SLC9A9: variants seen among roughly 807,000 people sequenced by gnomAD.
The protein encoded by SLC9A9 is solute carrier family 9 member A9.
A neutral mutation model predicts 77.8 loss-of-function variants in SLC9A9; 62 were observed. The ratio of observed to expected loss-of-function variants is 0.80; its 90% CI spans 0.65 to 0.98. The LOEUF (loss-of-function observed/expected upper bound fraction) is 0.98, where lower values mean the gene tolerates loss of function less well. SLC9A9 is among the 50% of genes least tolerant of loss of function. The pLI is 0.00. For missense variants in SLC9A9, 775 were observed against 774.9 expected (o/e 1.00, Z 0.00); for synonymous variants, 320 against 283.5 (o/e 1.13, Z -1.29).
At chr3:143,330,195 T>C (rs1331432176) in intron 14 of SLC9A9, among the ~76,000 whole-genome samples, 3 of 152,162 alleles carry the variant, frequency 2.0e-5, no homozygotes, top group South Asian at 4.1e-4. Context: ...ACATGGACTT[T>C]AGGGCAGGAG....
At chr3:143,371,620 A>C (rs1347525473) in intron 13 of SLC9A9, among the ~76,000 whole-genome samples, 1 of 152,210 alleles carries the variant, frequency 6.6e-6, no homozygotes, top group Non-Finnish European at 1.5e-5. Context: ...ATACTCTAAA[A>C]AATATGGTAG....
chr3:143,782,648 A>G (rs1456926965), intron 4 of SLC9A9, among the ~76,000 whole-genome samples: 2 of 152,222 alleles, frequency 1.3e-5, no homozygotes, highest in Non-Finnish European at 2.9e-5. Context: ...AAAAAAATGC[A>G]CCTAAAGAGC....
At position 143,266,458 on chromosome 3, in the gene SLC9A9, C is replaced by T; in HGVS notation, c.*244G>A. ...GACTCCTGATACCTCCATCCCCACC[C>T]CAGCCAATCCAGTAATCAGAATGGC... On this transcript the variant is annotated 3_prime_UTR_variant, in exon 16 of 16. Coordinates refer to ENST00000316549, the MANE Select transcript of SLC9A9 (RefSeq NM_173653.4). 3 of 568,626 alleles carry T rather than the reference C, an allele frequency of 5.3e-6. No homozygotes were observed. The highest frequency in any genetic ancestry group is 9.4e-6 in the Non-Finnish European group (3 of 317,520). 35.2% of individuals were successfully genotyped at this position (568,626 alleles called of 1,614,324 possible).
At chr3:143,543,777 T>TTTTTTTTTTTTTTTTTTTTTTTTTTTTTG (rs1203062088) in intron 9 of SLC9A9, among the ~76,000 whole-genome samples, 34 of 152,082 alleles carry the variant, frequency 2.2e-4, no homozygotes, top group Non-Finnish European at 2.8e-4. Context: ...ACATTTTCTT[T>TTTTTTTTTTTTTTTTTTTTTTTTTTTTTG]ATCCAGTCCA....
intron 6 of SLC9A9, among the ~76,000 whole-genome samples, chr3:143,582,110 A>AT (rs1027901894): frequency 1.3e-5 from 2 of 152,154 alleles, no homozygotes; most frequent in African/African-American, 4.8e-5. Context: ...CACCCACAAG[A>AT]TTTTTTAGCA....
intron 12 of SLC9A9, among the ~76,000 whole-genome samples, chr3:143,424,051 AG>A (rs1398414822): frequency 1.3e-5 from 2 of 152,220 alleles, no homozygotes; most frequent in African/African-American, 4.8e-5. Context: ...AGGGGACTAA[AG>A]GGACACCAGT....
intron 2 of SLC9A9, among the ~76,000 whole-genome samples, chr3:143,803,303 C>CAA (rs2008618755): frequency 6.6e-6 from 1 of 152,096 alleles, no homozygotes; most frequent in Non-Finnish European, 1.5e-5. Flanking sequence ...CCTAATACAT[C>CAA]CCTTCATTCT....
chr3:143,564,706 T>G (rs147301553), intron 8 of SLC9A9, among the ~76,000 whole-genome samples: 28 of 152,268 alleles, frequency 1.8e-4, no homozygotes, highest in Non-Finnish European at 3.1e-4. Flanking sequence ...GTTGGCAGAT[T>G]AATAATGCAT....
At chr3:143,454,485 T>G (rs2035054977) in intron 12 of SLC9A9, among the ~76,000 whole-genome samples, 5 of 152,152 alleles carry the variant, frequency 3.3e-5, no homozygotes, top group Admixed American at 2.6e-4. Flanking sequence ...CCATTTTGAG[T>G]CAATTTCTTT....
At chr3:143,632,801 A>T (rs942567508) in intron 6 of SLC9A9, among the ~76,000 whole-genome samples, 1 of 152,196 alleles carries the variant, frequency 6.6e-6, no homozygotes, top group Non-Finnish European at 1.5e-5. Context: ...CTGATTTGAT[A>T]ATCTGTTCCT....
intron 4 of SLC9A9, among the ~76,000 whole-genome samples, chr3:143,777,231 A>T (rs1230558394): frequency 3.3e-5 from 5 of 152,178 alleles, no homozygotes; most frequent in Non-Finnish European, 7.4e-5. Flanking sequence ...TTACTCGAAG[A>T]TCAGCTGCCT....
chr3:143,595,651 A>G (rs2037740308), intron 6 of SLC9A9, among the ~76,000 whole-genome samples: 2 of 152,242 alleles, frequency 1.3e-5, no homozygotes, highest in Admixed American at 6.5e-5. Flanking sequence ...AAGAGAGAGC[A>G]CTGGACAGAA....
At chr3:143,658,512 C>G (rs2038931307) in intron 5 of SLC9A9, among the ~76,000 whole-genome samples, 1 of 152,124 alleles carries the variant, frequency 6.6e-6, no homozygotes, top group South Asian at 2.1e-4. Context: ...GAAAATTATT[C>G]TTTTTACATT....
chr3:143,744,622 T>C (rs987209717), intron 4 of SLC9A9, among the ~76,000 whole-genome samples: 2 of 152,230 alleles, frequency 1.3e-5, no homozygotes, highest in African/African-American at 4.8e-5. Context: ...CTTATCTAGA[T>C]ACTAACTAGA....
intron 4 of SLC9A9, among the ~76,000 whole-genome samples, chr3:143,744,774 T>C (rs1935165548): frequency 6.6e-6 from 1 of 152,186 alleles, no homozygotes; most frequent in South Asian, 2.1e-4. Context: ...TTAAGTCTAA[T>C]TAAGTGGAGA....
intron 5 of SLC9A9, among the ~76,000 whole-genome samples, chr3:143,668,262 G>A (rs1253539079): frequency 2.0e-5 from 3 of 147,214 alleles, no homozygotes; most frequent in African/African-American, 5.0e-5. Flanking sequence ...GCTCTCACTC[G>A]TAGGTGGGAA....
intron 2 of SLC9A9, among the ~76,000 whole-genome samples, chr3:143,815,709 C>CAA (rs200417877): frequency 9.5e-4 from 144 of 151,474 alleles, no homozygotes; most frequent in African/African-American, 3.1e-3. Flanking sequence ...ACTAAAAATA[C>CAA]AAAAAAATTA....
At chr3:143,726,248 A>G (rs896730018) in intron 4 of SLC9A9, among the ~76,000 whole-genome samples, 1 of 71,184 alleles carries the variant, frequency 1.4e-5, no homozygotes, top group Non-Finnish European at 2.7e-5. Flanking sequence ...GGAAATAAAA[A>G]AAGAAAAAAA....
At chr3:143,630,788 T>C (rs183629176) in intron 6 of SLC9A9, among the ~76,000 whole-genome samples, 4 of 152,312 alleles carry the variant, frequency 2.6e-5, no homozygotes, top group Non-Finnish European at 2.9e-5. Flanking sequence ...TCTTTGGAAA[T>C]GCTGTTACCT....
Sources: allele counts gnomAD v4.1 joint callset (sites outside exome capture counted in the v4.1 genomes callset), GRCh38; gene constraint gnomAD v4.1.1; transcripts MANE v1.5; gene names NCBI Gene and HGNC (gene_info 2026-07-23, HGNC 2026-07-21).